WDR75: variants seen among roughly 807,000 people sequenced by gnomAD.
WDR75 encodes the protein WD repeat domain 75, also known as WD repeat-containing protein 75.
Under a neutral mutation model 106.1 loss-of-function variants are expected in WDR75, and 52 were observed. The observed-to-expected ratio is 0.49, with a 90% confidence interval of 0.39 to 0.62. The LOEUF is 0.62. Among genes scored for constraint, WDR75 ranks in the 20% least tolerant of loss-of-function variants. WDR75 has a pLI of 0.00. For synonymous variants in WDR75, 333 were observed against 335.5 expected, an observed-to-expected ratio of 0.99 and a Z score of 0.08; for missense variants, 905 against 970.3, an observed-to-expected ratio of 0.93 and a Z score of 0.89.
intron 14 of WDR75, among the ~76,000 whole-genome samples, chr2:189,468,150 C>A (rs927901892): frequency 6.6e-6 from 1 of 152,092 alleles, no homozygotes; most frequent in Non-Finnish European, 1.5e-5. Flanking sequence ...CAATTGAAAT[C>A]GCAAGTTTTC....
At chr2:189,448,543 T>C in intron 2 of WDR75, 35 bp downstream of exon 2, 1 of 1,599,920 alleles carries the variant, frequency 6.3e-7, no homozygotes, top group South Asian at 1.1e-5. Flanking sequence ...ACTTTAAGAC[T>C]GGCTTTGTTC....
Position 189,474,821 on chromosome 2 carries a change from T to C in WDR75, c.2288+13T>C, listed in dbSNP as rs1412720009. 1.2e-6 allele frequency: 2 copies of C among 1,604,842 alleles called. No individual in the cohort carries two copies. Among genetic ancestry groups the C allele is most frequent in the Non-Finnish European group, 1.7e-6 (2 of 1,171,710 alleles). Reference sequence around the variant, plus strand: ...AAGAGACTAAGAGGTAAAGCAGTTCTTAAGACAGGTTTGGACACTCTCTTT... The same window carrying C: ...AAGAGACTAAGAGGTAAAGCAGTTCCTAAGACAGGTTTGGACACTCTCTTT... On this transcript the variant is annotated intron_variant, in intron 20 of 20. Coordinates refer to ENST00000314761, the MANE Select transcript of WDR75 (RefSeq NM_032168.3).
chr2:189,472,568 C>T (rs1242662792), intron 18 of WDR75, among the ~76,000 whole-genome samples: 1 of 146,018 alleles, frequency 6.8e-6, no homozygotes, highest in Non-Finnish European at 1.5e-5. Context: ...GTTTCCATTA[C>T]ATTTTTTTTT....
chr2:189,465,397 T>TCTCCCATATCTC, intron 12 of WDR75, 143 bp downstream of exon 12: 1 of 845,204 alleles, frequency 1.2e-6, no homozygotes. Context: ...TAATAAAACC[T>TCTCCCATATCTC]TTAAGCTTTC....
chr2:189,450,651 C>T, intron 2 of WDR75: 1 of 1,189,474 alleles, frequency 8.4e-7, no homozygotes, highest in Non-Finnish European at 1.0e-6. Context: ...TTACCATCTC[C>T]CTCTTCAAGA....
chr2:189,442,550 A>C (rs1222523986), intron 1 of WDR75, among the ~76,000 whole-genome samples: 3 of 140,270 alleles, frequency 2.1e-5, no homozygotes, highest in African/African-American at 7.9e-5. Flanking sequence ...TCCCTGGTTC[A>C]AGCAATTCTG....
chr2:189,464,269 G>A (rs991202826), intron 11 of WDR75: 6 of 271,276 alleles, frequency 2.2e-5, no homozygotes, highest in African/African-American at 1.3e-4. Context: ...ACAAAAATAG[G>A]TAGATTGACA....
In WDR75 at chr2:189,460,327, G is replaced by A. The variant is rs182949273; in HGVS notation, c.778+903G>A. ...AGAGTCTTACTTGGGTGTAATGCCC[G>A]GAAGCCCCAGGAAATAGGAGACACC... On this transcript the variant is annotated intron_variant, in intron 8 of 20. Transcript: ENST00000314761. Among the ~76,000 whole-genome samples, 115 of 152,214 alleles carry A rather than the reference G, an allele frequency of 7.6e-4. 1 individual carries two copies. The highest frequency in any genetic ancestry group is 1.2e-4 in the Non-Finnish European group (8 of 68,002).
At chr2:189,449,538 CA>C (rs35648483) in intron 2 of WDR75, 4 of 1,077,984 alleles carry the variant, frequency 3.7e-6, no homozygotes, top group Non-Finnish European at 2.3e-6. Flanking sequence ...GTTTTATAGC[CA>C]AAAAAACGTA....
intron 1 of WDR75, among the ~76,000 whole-genome samples, chr2:189,442,070 T>C (rs977191482): frequency 2.6e-5 from 4 of 152,192 alleles, no homozygotes; most frequent in Non-Finnish European, 5.9e-5. Context: ...AAAAATACGC[T>C]AAGACTTGGT....
intron 12 of WDR75, among the ~76,000 whole-genome samples, chr2:189,466,107 C>A (rs1345713090): frequency 6.6e-6 from 1 of 152,058 alleles, no homozygotes; most frequent in Non-Finnish European, 1.5e-5. Context: ...ATACAAGTTT[C>A]CTACAGAGTT....
At chr2:189,456,334 C>T (rs1286968711) in intron 5 of WDR75, among the ~76,000 whole-genome samples, 1 of 151,998 alleles carries the variant, frequency 6.6e-6, no homozygotes, top group African/African-American at 2.4e-5. Context: ...ATGATGTGTA[C>T]AAGAGTGATT....
intron 1 of WDR75, among the ~76,000 whole-genome samples, chr2:189,444,610 T>TTC (rs1161004963): frequency 6.6e-6 from 1 of 152,232 alleles, no homozygotes; most frequent in Non-Finnish European, 1.5e-5. Flanking sequence ...TTACAGATCA[T>TTC]TCTGAGTATT....
chr2:189,451,662 T>C, intron 3 of WDR75, 143 bp from the exon 4 acceptor site: 1 of 640,316 alleles, frequency 1.6e-6, no homozygotes, highest in Non-Finnish European at 2.7e-6. Context: ...AAATATGTAT[T>C]AGTTGTCTTC....
At position 189,474,727 on chromosome 2, in the gene WDR75, C is replaced by T; in HGVS notation, c.2207C>T (p.Thr736Ile). The T allele has an allele frequency of 3.1e-6, 5 of 1,614,036 alleles. No homozygotes were observed. Among genetic ancestry groups the T allele is most frequent in the Non-Finnish European group, 3.4e-6 (4 of 1,179,912 alleles). Residue 736 changes from threonine to isoleucine, a missense_variant, in exon 20 of 21, where the codon ACT (threonine) becomes ATT (isoleucine). By Grantham distance (89) the Thr-to-Ile change is moderately conservative. Coordinates refer to ENST00000314761, the MANE Select transcript of WDR75 (RefSeq NM_032168.3). ...TCTGTTTGACTCCAGCTTCTTCACA[C>T]TCCAGCCCATGTCCTGCCATCTGCT... ...NIPAISELLHTPAHVLPSAAF... is the reference protein window; with the variant it reads ...NIPAISELLHIPAHVLPSAAF...
chr2:189,467,369 A>G, intron 13 of WDR75, 99 bp from the exon 14 acceptor site: 2 of 1,307,540 alleles, frequency 1.5e-6, no homozygotes, highest in Non-Finnish European at 2.1e-6. Flanking sequence ...CTGAAACCAC[A>G]GAAAGTGAAC....
In WDR75 at chr2:189,441,514, C is replaced by G. The variant is rs890168378; in HGVS notation, c.22C>G (p.Arg8Gly). 2.6e-6 allele frequency: 4 copies of G among 1,565,996 alleles called. No individual in the cohort carries two copies. In the African/African-American group the frequency reaches 5.4e-5, roughly 21 times the overall value. MVEEENI[R>G]VVRCGGSELN... is the part of the protein sequence containing the mutation. ...AAAGATGGTGGAGGAGGAGAACATC[C>G]GCGTGGTTCGTTGTGGCGGCAGCGA... Residue 8 changes from arginine (R) to glycine (G), a missense_variant, in exon 1 of 21, where the codon CGC (arginine) becomes GGC (glycine). Physicochemically the swap from Arg to Gly is moderately radical, Grantham distance 125. Transcript: ENST00000314761.
chr2:189,462,377 A>T (rs113783524), intron 8 of WDR75, 107 bp from the exon 9 acceptor site: 1 of 1,220,268 alleles, frequency 8.2e-7, no homozygotes, highest in African/African-American at 1.5e-5. Flanking sequence ...GCTTTAAATG[A>T]GTTTATTTCT....
In WDR75 at chr2:189,466,409, G is replaced by A. The variant is rs1251472271; in HGVS notation, c.1290-16G>A. On this transcript the variant is annotated splice_polypyrimidine_tract_variant and intron_variant, in intron 12 of 20. Transcript: ENST00000314761. ...GTCCTCATGCAAGAATAAATTTGTGGTTTCCTTCCCGCTAGGTTTATTCTT... is the reference window on the plus strand; with the variant it reads ...GTCCTCATGCAAGAATAAATTTGTGATTTCCTTCCCGCTAGGTTTATTCTT... The A allele has an allele frequency of 6.2e-7, 1 of 1,609,888 alleles. No homozygotes were observed. Among genetic ancestry groups the A allele is most frequent in the Non-Finnish European group, 8.5e-7 (1 of 1,178,152 alleles).
Sources: gnomAD v4.1 joint callset for allele counts (sites outside exome capture counted in the v4.1 genomes callset) on GRCh38, gnomAD v4.1.1 for gene constraint, MANE v1.5 for transcripts, NCBI Gene and HGNC (gene_info 2026-07-23, HGNC 2026-07-21) for gene names.